LACTB: variants seen among roughly 807,000 people sequenced by gnomAD.
The protein encoded by LACTB is serine beta-lactamase-like protein LACTB, mitochondrial.
A neutral mutation model predicts 50.2 loss-of-function variants in LACTB; 35 were observed. The ratio of observed to expected loss-of-function variants is 0.70; its 90% CI spans 0.53 to 0.92. The LOEUF is 0.92. Ranked by LOEUF, LACTB falls within the 40% of genes least tolerant of loss-of-function variation. The pLI is 0.00. For missense variants in LACTB, 664 were observed against 691.8 expected (o/e 0.96, Z 0.45); for synonymous variants, 252 against 268.2 (o/e 0.94, Z 0.59).
chr15:63,130,245 C>A, intron 5 of LACTB: 1 of 152,500 alleles, frequency 6.6e-6, no homozygotes, highest in Non-Finnish European at 1.5e-5. Context: ...TGGCTCACGC[C>A]TGTAATCCCA....
intron 2 of LACTB, among the ~76,000 whole-genome samples, chr15:63,125,175 A>ATTTT (rs142978160): frequency 4.6e-5 from 6 of 130,424 alleles, no homozygotes; most frequent in Non-Finnish European, 4.8e-5. Flanking sequence ...AATTTTATTT[A>ATTTT]TTTATTTTTT....
intron 5 of LACTB, among the ~76,000 whole-genome samples, chr15:63,133,177 A>G (rs1404354101): frequency 6.6e-6 from 1 of 152,252 alleles, no homozygotes; most frequent in Admixed American, 6.5e-5. Flanking sequence ...ATGATTTTAT[A>G]TAATTTCATA....
At chr15:63,125,478 T>TA (rs1171756427) in intron 2 of LACTB, among the ~76,000 whole-genome samples, 1 of 152,070 alleles carries the variant, frequency 6.6e-6, no homozygotes, top group African/African-American at 2.4e-5. Context: ...TAAAATTTTT[T>TA]AAAAAAGGAA....
chr15:63,136,542 G>A (rs1016336172), intron 5 of LACTB, among the ~76,000 whole-genome samples: 2 of 151,820 alleles, frequency 1.3e-5, no homozygotes, highest in South Asian at 2.1e-4. Context: ...AGGAAATATT[G>A]TTACCTAGGA....
At chr15:63,130,319 A>G (rs1010962994) in intron 5 of LACTB, 1 of 152,238 alleles carries the variant, frequency 6.6e-6, no homozygotes, top group Non-Finnish European at 1.5e-5. Flanking sequence ...AGCCTGGCCA[A>G]TGTGGTGAAA....
chr15:63,139,456 C>G (rs1001449994), intron 5 of LACTB, among the ~76,000 whole-genome samples: 1 of 151,996 alleles, frequency 6.6e-6, no homozygotes, highest in East Asian at 1.9e-4. Context: ...AGTTTGAGAC[C>G]AGCCTGGCCA....
chr15:63,123,931 C>G (rs924769273), intron 2 of LACTB, among the ~76,000 whole-genome samples: 1 of 152,190 alleles, frequency 6.6e-6, no homozygotes, highest in Admixed American at 6.5e-5. Flanking sequence ...TGCGGGCAAG[C>G]CTGACTGATG....
chr15:63,141,857 C>T lies in LACTB; in HGVS notation c.*52C>T. The stretch of plus-strand genomic sequence containing the variant: ...GAGTTGTTCTGAGGTTTTTTTGAAA[C>T]ATTAAAGTTCCAAAACATGACATTT... On this transcript the variant is annotated 3_prime_UTR_variant, in exon 6 of 6. Transcript: ENST00000261893. 6.9e-7 allele frequency: 1 copy of T among 1,439,178 alleles called. No homozygotes were observed. The highest frequency in any genetic ancestry group is 9.4e-7 in the Non-Finnish European group (1 of 1,060,354). 89.2% of individuals were successfully genotyped at this position (1,439,178 alleles called of 1,614,324 possible). A position where few individuals can be genotyped will look rare whatever the true frequency, so the allele number is the denominator to read the frequency against.
In LACTB at chr15:63,141,554, G is replaced by A; in HGVS notation, c.1393G>A (p.Gly465Ser). 6.2e-7 allele frequency: 1 copy of A among 1,614,196 alleles called. No individual in the cohort carries two copies. The highest frequency in any genetic ancestry group is 8.5e-7 in the Non-Finnish European group (1 of 1,180,030). Reference protein sequence around the residue: ...DKEGKYAMAWGVVERKQTYGS... With the variant: ...DKEGKYAMAWSVVERKQTYGS... Reference sequence around the variant, plus strand: ...AGAGGGTAAATATGCAATGGCGTGGGGTGTTGTGGAAAGGAAACAAACGTA... The same window carrying A: ...AGAGGGTAAATATGCAATGGCGTGGAGTGTTGTGGAAAGGAAACAAACGTA... The change falls in exon 6 of 6, where the codon GGT becomes AGT. Residue 465 changes from glycine (G) to serine (S), a missense_variant. Physicochemically the swap from Gly to Ser is moderately conservative, Grantham distance 56 (BLOSUM62 0). Transcript: ENST00000261893.
At chr15:63,125,282 C>A (rs1003127245) in intron 2 of LACTB, among the ~76,000 whole-genome samples, 1 of 151,894 alleles carries the variant, frequency 6.6e-6, no homozygotes, top group Non-Finnish European at 1.5e-5. Flanking sequence ...ATTCTCCTGC[C>A]TCGTCCTCCC....
At position 63,121,887 on chromosome 15, in the gene LACTB, T is replaced by A; in HGVS notation, c.16T>A (p.Ser6Thr). ...CAGAGACGCCATGTACCGGCTCATGTCAGCAGTGACTGCCCGGGCTGCCGC... is the reference window on the plus strand; with the variant it reads ...CAGAGACGCCATGTACCGGCTCATGACAGCAGTGACTGCCCGGGCTGCCGC... MYRLM[S>T]AVTARAAAPG... The change falls in exon 1 of 6, where the codon TCA becomes ACA. Residue 6 changes from serine (S) to threonine (T), a missense_variant. By Grantham distance (58) the Ser-to-Thr change is moderately conservative. Transcript: ENST00000261893. 1 of 1,414,568 alleles carries A rather than the reference T, an allele frequency of 7.1e-7. No individual in the cohort carries two copies. The highest frequency in any genetic ancestry group is 9.2e-7 in the Non-Finnish European group (1 of 1,089,856). 87.6% of individuals were successfully genotyped at this position (1,414,568 alleles called of 1,614,324 possible). A position where few individuals can be genotyped will look rare whatever the true frequency, so the allele number is the denominator to read the frequency against.
chr15:63,130,207 A>C (rs941063449), intron 5 of LACTB: 2 of 152,300 alleles, frequency 1.3e-5, no homozygotes, highest in African/African-American at 4.8e-5. Context: ...TATTTTCTAA[A>C]AACAAGGACA....
intron 2 of LACTB, 130 bp from the exon 3 acceptor site, chr15:63,126,729 C>T: frequency 2.1e-6 from 1 of 487,528 alleles, no homozygotes; most frequent in Non-Finnish European, 3.6e-6. Context: ...TGTTAAGTAA[C>T]TTATAAAAGT....
chr15:63,127,200 A>AT, intron 3 of LACTB, 151 bp downstream of exon 3: 1 of 932,730 alleles, frequency 1.1e-6, no homozygotes, highest in Non-Finnish European at 1.6e-6. Context: ...TCAGGTAGGT[A>AT]TTTTTCTGAA....
rs1216028675 is a variant in LACTB, at chr15:63,122,003, C to T, written c.132C>T (p.Leu44=). 2 of 1,367,078 alleles carry T rather than the reference C, an allele frequency of 1.5e-6. No individual in the cohort carries two copies. Among genetic ancestry groups the T allele is most frequent in the Non-Finnish European group, 1.9e-6 (2 of 1,068,792 alleles). The allele number at this position is 1,367,078 out of a possible 1,614,324, so 84.7% of individuals were successfully genotyped here. Residue 44 remains leucine, a synonymous_variant, in exon 1 of 6, where the codon CTC becomes CTT. Transcript: ENST00000261893. The stretch of plus-strand genomic sequence containing the variant: ...TCGGCCACGGCTGGGTCGGGGGCCT[C>T]GGGCTGGGGCTGGGGCTGGCGCTCG... ...PPLGHGWVGG[L]GLGLGLALGV... is the part of the protein sequence containing the mutation.
At chr15:63,130,553 C>T (rs899470801) in intron 5 of LACTB, 1 of 140,438 alleles carries the variant, frequency 7.1e-6, no homozygotes, top group Non-Finnish European at 1.5e-5. Flanking sequence ...GGGAAATTAA[C>T]ATAGATACAA....
intron 5 of LACTB, chr15:63,130,515 G>GAAAAAAAAAAAAAAA (rs34509023): frequency 1.1e-5 from 1 of 90,850 alleles, no homozygotes; most frequent in Non-Finnish European, 2.5e-5. Context: ...GTCAAAAAAG[G>GAAAAAAAAAAAAAAA]AAAAAAAAAA....
Position 63,141,505 on chromosome 15 carries a change from TA to T in LACTB, c.1346del (p.Asn449ThrfsTer60). 6.2e-7 allele frequency: 1 copy of T among 1,614,224 alleles called. No homozygotes were observed. The highest frequency in any genetic ancestry group is 8.5e-7 in the Non-Finnish European group (1 of 1,180,026). ...TMVMMWTPVP[N>X]TEMSWDKEGK... ...TGGTTATGATGTGGACCCCAGTCCC[TA>T]ACACAGAGATGTCTTGGGATAAAGA... On this transcript the variant is annotated frameshift_variant, in exon 6 of 6. Coordinates refer to ENST00000261893, the MANE Select transcript of LACTB (RefSeq NM_032857.5). LOFTEE classifies it high-confidence loss of function.
intron 2 of LACTB, chr15:63,125,841 G>A (rs955977906): frequency 6.9e-6 from 1 of 144,360 alleles, no homozygotes; most frequent in Non-Finnish European, 1.5e-5. Flanking sequence ...CACCACGCCA[G>A]GCTTTTTTCT....
Sources: gnomAD v4.1 joint callset for allele counts (sites outside exome capture counted in the v4.1 genomes callset) on GRCh38, gnomAD v4.1.1 for gene constraint, MANE v1.5 for transcripts, NCBI Gene and HGNC (gene_info 2026-07-23, HGNC 2026-07-21) for gene names.